MYO10: variants seen among roughly 807,000 people sequenced by gnomAD.
MYO10 encodes myosin X, also known as unconventional myosin-X.
MYO10 carries 133 observed loss-of-function variants against 257.3 expected under a neutral mutation model. That is an observed-to-expected ratio of 0.52 (90% CI 0.45 to 0.60). MYO10 has a LOEUF of 0.60. MYO10 is among the 20% of genes least tolerant of loss of function. MYO10 has a pLI of 0.00. For missense variants in MYO10, 2,399 were observed against 2,635.7 expected (o/e 0.91, Z 1.97); for synonymous variants, 1,104 against 1,028.6 (o/e 1.07, Z -1.40).
intron 1 of MYO10, among the ~76,000 whole-genome samples, chr5:16,909,274 C>T (rs1269459314): frequency 3.3e-5 from 5 of 151,950 alleles, no homozygotes; most frequent in Admixed American, 6.6e-5. Flanking sequence ...TTTGGGAGGC[C>T]GAGGTGGGCG....
Position 16,818,148 on chromosome 5 carries a change from C to T in MYO10, c.140G>A (p.Ser47Asn). Residue 47 changes from serine to asparagine, a missense_variant, in exon 3 of 41, where the codon AGC becomes AAC. Physicochemically the swap from Ser to Asn is conservative, Grantham distance 46. This residue lies in a region of MYO10 where 242 missense variants were observed against 249.5 expected (regional missense o/e 0.97). Transcript: ENST00000513610. ...AGTCACCTTCTGGTGGGTAATTGTG[C>T]TCTGCTTGTAAGTGAATACCTGAGG... ...DYGQVFTYKQ[S>N]TITHQKVTAM... 1.3e-6 allele frequency: 2 copies of T among 1,593,980 alleles called. No individual in the cohort carries two copies. Among genetic ancestry groups the T allele is most frequent in the East Asian group, 2.3e-5 (1 of 44,316 alleles).
chr5:16,701,306 G>C lies in MYO10; in HGVS notation c.3089C>G (p.Ser1030Ter). 1 of 1,613,892 alleles carries C rather than the reference G, an allele frequency of 6.2e-7. No homozygotes were observed. The highest frequency in any genetic ancestry group is 8.5e-7 in the Non-Finnish European group (1 of 1,179,852). The change falls in exon 25 of 41, where the codon TCA becomes TGA. Residue 1030 changes from serine to a stop codon, truncating the protein, a stop_gained. Coordinates refer to ENST00000513610, the MANE Select transcript of MYO10 (RefSeq NM_012334.3). LOFTEE classifies it high-confidence loss of function. The surrounding 1 kb of genome is among the most constrained non-coding windows in gnomAD (Gnocchi z 8.1). ...GTCGTTCATGTATGGGTCCTCCTCT[G>C]AAGAGTCATCGCTGGTCCGGATGCC... ...TSGIRTSDDS[S>*]EEDPYMNDTV...
At chr5:16,820,099 T>C (rs572875186) in intron 2 of MYO10, among the ~76,000 whole-genome samples, 48 of 152,294 alleles carry the variant, frequency 3.2e-4, no homozygotes, top group Non-Finnish European at 8.8e-5. Context: ...GGGAGCAGGG[T>C]AGAAGTGCTT....
intron 1 of MYO10, among the ~76,000 whole-genome samples, chr5:16,923,229 T>G (rs1308949094): frequency 6.6e-6 from 1 of 151,386 alleles, no homozygotes; most frequent in Middle Eastern, 3.2e-3. Flanking sequence ...AAATGACAAT[T>G]TAAATGACAA....
intron 37 of MYO10, among the ~76,000 whole-genome samples, chr5:16,672,341 T>C (rs574234909): frequency 6.8e-6 from 1 of 147,732 alleles, no homozygotes; most frequent in South Asian, 2.2e-4. Context: ...ACATAACACA[T>C]AGTTTAAAGA....
chr5:16,737,545 T>C (rs965403598), intron 19 of MYO10, among the ~76,000 whole-genome samples: 2 of 152,234 alleles, frequency 1.3e-5, no homozygotes, highest in Admixed American at 6.5e-5. Context: ...TTTAGTTGAA[T>C]AGTAAAACAC....
chr5:16,925,057 T>C (rs1746094135), intron 1 of MYO10, among the ~76,000 whole-genome samples: 1 of 152,078 alleles, frequency 6.6e-6, no homozygotes, highest in African/African-American at 2.4e-5. Flanking sequence ...GGTCTCGATC[T>C]CCTGACCTCG....
chr5:16,793,376 G>A (rs879325602), intron 4 of MYO10, among the ~76,000 whole-genome samples: 3 of 152,110 alleles, frequency 2.0e-5, no homozygotes, highest in Non-Finnish European at 4.4e-5. Context: ...CCAGGCTGGA[G>A]TGCAGTGGTG....
chr5:16,705,071 T>C (rs1738268743), intron 21 of MYO10, among the ~76,000 whole-genome samples: 1 of 152,138 alleles, frequency 6.6e-6, no homozygotes, highest in Non-Finnish European at 1.5e-5. Flanking sequence ...CTACGTAATA[T>C]GATTCAGAGA....
Position 16,781,773 on chromosome 5 carries a change from C to T in MYO10, c.659G>A (p.Arg220His), listed in dbSNP as rs758862371. ...AKTVYNNNSS[R>H]FGKFVQLNIC... is the part of the protein sequence containing the mutation. Reference sequence around the variant, plus strand: ...GTTCAGCTGAACAAACTTCCCAAAGCGACTAGAGTTGTTGTTGTACACGGT... The same window carrying T: ...GTTCAGCTGAACAAACTTCCCAAAGTGACTAGAGTTGTTGTTGTACACGGT... Residue 220 changes from arginine (R) to histidine (H), a missense_variant, in exon 6 of 41, where the codon CGC becomes CAC. Physicochemically the swap from Arg to His is conservative, Grantham distance 29 (BLOSUM62 0). Coordinates refer to ENST00000513610, the MANE Select transcript of MYO10 (RefSeq NM_012334.3). 4 of 1,613,954 alleles carry T rather than the reference C, an allele frequency of 2.5e-6. No homozygotes were observed. The highest frequency in any genetic ancestry group is 1.7e-6 in the Non-Finnish European group (2 of 1,179,870).
chr5:16,889,448 G>T (rs1273289830), intron 1 of MYO10, among the ~76,000 whole-genome samples: 1 of 149,382 alleles, frequency 6.7e-6, no homozygotes, highest in Non-Finnish European at 1.5e-5. Flanking sequence ...GAAAGGAAAG[G>T]AAAGAAGGAA....
chr5:16,837,454 G>GT (rs1306270204), intron 2 of MYO10, among the ~76,000 whole-genome samples: 5 of 152,122 alleles, frequency 3.3e-5, no homozygotes, highest in African/African-American at 1.2e-4. Context: ...TAGATTAGTG[G>GT]TTGCCAGGGG....
Position 16,772,590 on chromosome 5 carries a change from T to C in MYO10, c.931-3387A>G, listed in dbSNP as rs1054529015. On this transcript the variant is annotated intron_variant, in intron 9 of 40. Coordinates refer to ENST00000513610, the MANE Select transcript of MYO10 (RefSeq NM_012334.3). Reference sequence around the variant, plus strand: ...TTTACAAATTTGAAACTAGTTCCAATAGTTACTGTTAAGGGTTAACTGTGA... The same window carrying C: ...TTTACAAATTTGAAACTAGTTCCAACAGTTACTGTTAAGGGTTAACTGTGA... Among the ~76,000 whole-genome samples the C allele has an allele frequency of 7.9e-5, 12 of 152,318 alleles. No homozygotes were observed. In the South Asian group the frequency reaches 1.2e-3, roughly 16 times the overall value.
chr5:16,843,927 G>T (rs1743556659), intron 2 of MYO10, among the ~76,000 whole-genome samples: 1 of 152,096 alleles, frequency 6.6e-6, no homozygotes, highest in Non-Finnish European at 1.5e-5. Context: ...TAATTACATG[G>T]TTATACAAGA....
chr5:16,675,055 T>C lies in MYO10; in HGVS notation c.4762A>G (p.Ile1588Val), dbSNP rs768829858. 1.2e-6 allele frequency: 2 copies of C among 1,613,960 alleles called. No homozygotes were observed. The highest frequency in any genetic ancestry group is 2.2e-5 in the East Asian group (1 of 44,874). ...CCTGTCTGTAGGATGCCCTGGATTA[T>C]TGGAATTGGGTCAGACATGGACTCC... ...QLESMSDPIP[I>V]IQGILQTGHD... is the part of the protein sequence containing the mutation. Residue 1588 changes from isoleucine to valine, a missense_variant, in exon 35 of 41, where the codon ATA becomes GTA. This residue lies in a region of MYO10 where 1,820 missense variants were observed against 1,939.4 expected (regional missense o/e 0.94). Coordinates refer to ENST00000513610, the MANE Select transcript of MYO10 (RefSeq NM_012334.3).
intron 1 of MYO10, 45 bp from the exon 2 acceptor site, chr5:16,877,752 T>G: frequency 6.6e-7 from 1 of 1,509,466 alleles, no homozygotes; most frequent in East Asian, 2.3e-5. Flanking sequence ...GGATTGCATT[T>G]TGTGGCGAAA....
intron 1 of MYO10, among the ~76,000 whole-genome samples, chr5:16,919,695 G>A (rs75492211): frequency 0.045 from 6,806 of 152,300 alleles, 231 homozygotes; most frequent in East Asian, 0.15. Context: ...TAAACACACA[G>A]GCCGGGCGCA....
intron 2 of MYO10, among the ~76,000 whole-genome samples, chr5:16,837,030 G>A (rs1417030203): frequency 6.6e-6 from 1 of 152,158 alleles, no homozygotes; most frequent in African/African-American, 2.4e-5. Context: ...GTACTGATAG[G>A]CAGGGAGAGG....
rs991520315 is a variant in MYO10, at chr5:16,663,860, A to T, written c.*2832T>A. The T allele has an allele frequency of 2.5e-5, 3 of 122,234 alleles. No individual in the cohort carries two copies. Among genetic ancestry groups the T allele is most frequent in the Admixed American group, 1.1e-4 (1 of 9,006 alleles). 7.6% of individuals were successfully genotyped at this position (122,234 alleles called of 1,614,324 possible). On this transcript the variant is annotated 3_prime_UTR_variant, in exon 41 of 41. Transcript: ENST00000513610. ...AATATTATACCACTGTATAGCAGGG[A>T]CTTGAGCATCTGTGAATTTTGTATC...
Sources: allele counts gnomAD v4.1 joint callset (sites outside exome capture counted in the v4.1 genomes callset), GRCh38; gene constraint gnomAD v4.1.1; regional missense constraint gnomAD v4.1.1; non-coding constraint Gnocchi (gnomAD v3.1); transcripts MANE v1.5; gene names NCBI Gene and HGNC (gene_info 2026-07-23, HGNC 2026-07-21).